Variants in ANO3 observed in about 807,000 individuals in gnomAD.
ANO3 encodes anoctamin 3, also known as anoctamin-3.
A neutral mutation model predicts 144.8 loss-of-function variants in ANO3; 99 were observed. The ratio of observed to expected loss-of-function variants is 0.68; its 90% CI spans 0.58 to 0.81. The LOEUF (loss-of-function observed/expected upper bound fraction) is 0.81. ANO3 is among the 30% of genes least tolerant of loss of function. The pLI is 0.00. For synonymous variants in ANO3, 414 were observed against 392.6 expected (o/e 1.05, Z -0.64); for missense variants, 905 against 1,202.2 (o/e 0.75, Z 3.66).
intron 1 of ANO3, among the ~76,000 whole-genome samples, chr11:26,432,049 C>T (rs1858114374): frequency 6.6e-6 from 1 of 152,064 alleles, no homozygotes; most frequent in South Asian, 2.1e-4. Flanking sequence ...TCTTTTTCTC[C>T]ACAACCTTTC....
chr11:26,210,326 C>G (rs972715556), intron 1 of ANO3, among the ~76,000 whole-genome samples: 1 of 152,128 alleles, frequency 6.6e-6, no homozygotes, highest in Non-Finnish European at 1.5e-5. Flanking sequence ...GGCCTCTGTT[C>G]TGTTCCACTG....
chr11:26,383,861 C>T (rs1003687064), intron 1 of ANO3, among the ~76,000 whole-genome samples: 2 of 148,570 alleles, frequency 1.3e-5, no homozygotes, highest in African/African-American at 2.5e-5. Context: ...CTTTGTGCCA[C>T]GCATTGTTCT....
At chr11:26,428,786 T>G (rs1857995533) in intron 1 of ANO3, among the ~76,000 whole-genome samples, 1 of 152,010 alleles carries the variant, frequency 6.6e-6, no homozygotes, top group South Asian at 2.1e-4. Flanking sequence ...CAATGAAAAG[T>G]GAGAAACAAC....
At chr11:26,242,897 G>A (rs539831555) in intron 1 of ANO3, among the ~76,000 whole-genome samples, 17 of 152,306 alleles carry the variant, frequency 1.1e-4, no homozygotes, top group Admixed American at 9.2e-4. Flanking sequence ...TCCAGTAGCA[G>A]ACATTTAGAA....
chr11:26,548,975 G>C (rs890028724), intron 12 of ANO3, among the ~76,000 whole-genome samples: 5 of 150,944 alleles, frequency 3.3e-5, no homozygotes, highest in African/African-American at 1.2e-4. Context: ...ACACTTTTAA[G>C]ATAAATTTTA....
intron 3 of ANO3, among the ~76,000 whole-genome samples, chr11:26,452,483 A>G (rs1297008470): frequency 6.6e-6 from 1 of 152,250 alleles, no homozygotes; most frequent in Non-Finnish European, 1.5e-5. Flanking sequence ...GGTATCAGTG[A>G]TAGAAGATGA....
intron 1 of ANO3, among the ~76,000 whole-genome samples, chr11:26,236,425 CCAAA>C (rs34827844): frequency 0.42 from 63,458 of 151,646 alleles, 14,372 homozygotes; most frequent in East Asian, 0.7. Flanking sequence ...TTTTTGGCCT[CCAAA>C]CAGTTTGAAA....
chr11:26,450,537 C>T (rs557961678), intron 3 of ANO3, among the ~76,000 whole-genome samples: 19 of 152,248 alleles, frequency 1.2e-4, no homozygotes, highest in Non-Finnish European at 1.8e-4. Flanking sequence ...TCACAGAAAG[C>T]TTCTGTAGGA....
At chr11:26,596,591 AGCT>A (rs1851636720) in intron 14 of ANO3, among the ~76,000 whole-genome samples, 1 of 152,144 alleles carries the variant, frequency 6.6e-6, no homozygotes, top group Non-Finnish European at 1.5e-5. Context: ...CACAGCGTAG[AGCT>A]TCCTTAGATC....
intron 1 of ANO3, among the ~76,000 whole-genome samples, chr11:26,196,111 C>T (rs571694062): frequency 6.6e-6 from 1 of 152,194 alleles, no homozygotes; most frequent in South Asian, 2.1e-4. Context: ...AAAAGTCTAA[C>T]AAATACTCAT....
Position 26,584,426 on chromosome 11 carries a change from T to C in ANO3, c.1448-13939T>C, listed in dbSNP as rs76049983. Among the ~76,000 whole-genome samples, 27 of 152,302 alleles carry C rather than the reference T, an allele frequency of 1.8e-4. No homozygotes were observed. The East Asian group carries it at 4.4e-3, about 25-fold the overall frequency. ...CGCCCACCTCACCCTCCCAAAGTGC[T>C]GGGATTATAGGCCTTCCTGTATTGC... On this transcript the variant is annotated intron_variant, in intron 14 of 26. Coordinates refer to ENST00000256737, the MANE Select transcript of ANO3 (RefSeq NM_031418.4).
At chr11:26,236,064 C>G (rs1207514563) in intron 1 of ANO3, among the ~76,000 whole-genome samples, 1 of 152,084 alleles carries the variant, frequency 6.6e-6, no homozygotes, top group Non-Finnish European at 1.5e-5. Flanking sequence ...TTCTACATAC[C>G]AGTATACTGA....
intron 1 of ANO3, among the ~76,000 whole-genome samples, chr11:26,252,094 T>C (rs1352477269): frequency 6.6e-6 from 1 of 152,232 alleles, no homozygotes; most frequent in African/African-American, 2.4e-5. Flanking sequence ...AGTGGAATTA[T>C]CTTATGCAAC....
chr11:26,312,558 C>T (rs113684494), intron 1 of ANO3, among the ~76,000 whole-genome samples: 4 of 152,290 alleles, frequency 2.6e-5, no homozygotes, highest in African/African-American at 9.6e-5. Flanking sequence ...GAGATGGTAT[C>T]TCATTATGGT....
At chr11:26,330,565 A>G (rs566027763), upstream of ANO3, among the ~76,000 whole-genome samples, 6 of 152,304 alleles carry the variant, frequency 3.9e-5, no homozygotes, top group South Asian at 2.1e-4. Flanking sequence ...GTAGAATCCA[A>G]TTTCGCTTTT....
At chr11:26,404,700 TAAG>T (rs1273475522) in intron 1 of ANO3, among the ~76,000 whole-genome samples, 1 of 151,696 alleles carries the variant, frequency 6.6e-6, no homozygotes, top group African/African-American at 2.4e-5. Flanking sequence ...GAGGGTCACT[TAAG>T]AAAATTATTA....
intron 22 of ANO3, 21 bp downstream of exon 22, chr11:26,642,050 G>C (rs777561300): frequency 1.3e-6 from 2 of 1,596,002 alleles, no homozygotes; most frequent in Non-Finnish European, 1.7e-6. Context: ...AAAATCTGCA[G>C]GACTATTTGG....
chr11:26,318,574 G>A (rs969443392), intron 1 of ANO3, among the ~76,000 whole-genome samples: 10 of 152,320 alleles, frequency 6.6e-5, no homozygotes, highest in Non-Finnish European at 1.0e-4. Context: ...AGAACAATTC[G>A]TGGTTCTATA....
chr11:26,459,501 C>A (rs1034641514), intron 3 of ANO3, among the ~76,000 whole-genome samples: 2 of 151,760 alleles, frequency 1.3e-5, no homozygotes, highest in Admixed American at 6.6e-5. Context: ...ATTCAATAAA[C>A]ATTTATTGAA....
Sources: gnomAD v4.1 joint callset for allele counts (sites outside exome capture counted in the v4.1 genomes callset) on GRCh38, gnomAD v4.1.1 for gene constraint, MANE v1.5 for transcripts, NCBI Gene and HGNC (gene_info 2026-07-23, HGNC 2026-07-21) for gene names.